KLF8: variants seen among roughly 807,000 people sequenced by gnomAD.
The protein encoded by KLF8 is Krueppel-like factor 8.
KLF8 carries 10 observed loss-of-function variants against 18.2 expected under a neutral mutation model. That is an observed-to-expected ratio of 0.55 (90% CI 0.34 to 0.93). KLF8 has a LOEUF of 0.93. KLF8 is among the 40% of genes least tolerant of loss of function. KLF8 has a pLI of 0.02. For synonymous variants in KLF8, 109 were observed against 97.3 expected (o/e 1.12, Z -0.71); for missense variants, 264 against 277.9 (o/e 0.95, Z 0.36).
At chrX:55,925,069 C>T in the KLF8 span, among the ~76,000 whole-genome samples, 3 of 103,072 alleles carry the variant, frequency 2.9e-5, no homozygotes, top group Non-Finnish European at 3.9e-5. Context: ...CCATGTTGGC[C>T]AGGCTGGTCT....
At chrX:56,161,387 C>T in the KLF8 span, among the ~76,000 whole-genome samples, 1 of 111,772 alleles carries the variant, frequency 8.9e-6, no homozygotes. Flanking sequence ...CCATTCTCCC[C>T]ATCACTTTCA....
the KLF8 span, among the ~76,000 whole-genome samples, chrX:56,146,534 G>T: frequency 9.0e-6 from 1 of 110,729 alleles, no homozygotes; most frequent in East Asian, 2.8e-4. Context: ...GACACAGGGA[G>T]GGGAACATCA....
chrX:56,061,283 C>T, the KLF8 span, among the ~76,000 whole-genome samples: 2 of 111,993 alleles, frequency 1.8e-5, no homozygotes, highest in Non-Finnish European at 3.8e-5. Context: ...ATCTTTCCTG[C>T]TTTCTCCTGT....
At chrX:55,989,806 G>C in the KLF8 span, among the ~76,000 whole-genome samples, 2 of 111,750 alleles carry the variant, frequency 1.8e-5, no homozygotes, top group Admixed American at 1.9e-4. Flanking sequence ...ACCTCTGGTA[G>C]AATTCGGCTG....
the KLF8 span, among the ~76,000 whole-genome samples, chrX:56,136,148 T>C: frequency 4.5e-4 from 50 of 111,548 alleles, no homozygotes; most frequent in South Asian, 2.6e-3. Flanking sequence ...GTAGGAAGAA[T>C]CAATATTGTG....
the KLF8 span, among the ~76,000 whole-genome samples, chrX:56,169,329 G>A: frequency 2.7e-5 from 3 of 111,260 alleles, no homozygotes; most frequent in South Asian, 3.8e-4. Context: ...AAAGTAAAGG[G>A]GACTTTGTTT....
the KLF8 span, among the ~76,000 whole-genome samples, chrX:56,124,571 T>TAG: frequency 9.0e-6 from 1 of 111,711 alleles, no homozygotes; most frequent in Non-Finnish European, 1.9e-5. Flanking sequence ...TTGTGGCCTA[T>TAG]AGAGAGAGAA....
chrX:55,941,937 A>C, the KLF8 span, among the ~76,000 whole-genome samples: 495 of 111,757 alleles, frequency 4.4e-3, 1 homozygote, highest in Non-Finnish European at 7.7e-3. Context: ...AACTAGTTCA[A>C]CCATTATGGA....
chrX:56,007,576 C>G, the KLF8 span, among the ~76,000 whole-genome samples: 2 of 111,123 alleles, frequency 1.8e-5, no homozygotes. Context: ...TCCTTCCATG[C>G]CTTAGAGGTT....
the KLF8 span, among the ~76,000 whole-genome samples, chrX:55,963,927 T>C: frequency 1.8e-4 from 20 of 112,007 alleles, no homozygotes; most frequent in African/African-American, 5.5e-4. Context: ...ATCTACACTT[T>C]TGGAGCATAA....
At chrX:56,113,170 C>A in the KLF8 span, among the ~76,000 whole-genome samples, 1 of 106,800 alleles carries the variant, frequency 9.4e-6, no homozygotes, top group African/African-American at 3.5e-5. Context: ...TGCACTCCAG[C>A]CTGGGCGACA....
the KLF8 span, among the ~76,000 whole-genome samples, chrX:56,034,790 C>G: frequency 1.3e-5 from 1 of 78,934 alleles, no homozygotes; most frequent in Non-Finnish European, 2.3e-5. Context: ...GAGTCTCGCT[C>G]TGTGGCCCAG....
the KLF8 span, among the ~76,000 whole-genome samples, chrX:55,945,592 T>C: frequency 1.4e-4 from 16 of 110,824 alleles, no homozygotes; most frequent in East Asian, 5.6e-4. Context: ...ACAGGGATGC[T>C]CTCTCTCACC....
At chrX:56,250,773 G>T (rs1476786565) in intron 2 of KLF8, among the ~76,000 whole-genome samples, 1 of 110,856 alleles carries the variant, frequency 9.0e-6, no homozygotes, top group African/African-American at 3.3e-5. Flanking sequence ...CAAGAAATTG[G>T]CTCATTAGAT....
chrX:56,221,316 C>G, the KLF8 span, among the ~76,000 whole-genome samples: 1 of 111,914 alleles, frequency 8.9e-6, no homozygotes, highest in African/African-American at 3.3e-5. Context: ...TATTCCAACA[C>G]AGAGTGGCCA....
the KLF8 span, among the ~76,000 whole-genome samples, chrX:56,088,743 G>C: frequency 9.0e-6 from 1 of 111,242 alleles, no homozygotes; most frequent in Admixed American, 9.6e-5. Context: ...TCATTGTACA[G>C]AGCCTTTCTC....
chrX:56,216,678 C>T, the KLF8 span, among the ~76,000 whole-genome samples: 1 of 110,602 alleles, frequency 9.0e-6, no homozygotes, highest in South Asian at 3.8e-4. Context: ...ATCAAGCCAA[C>T]AAAACTCTTT....
At chrX:56,259,700 AT>A (rs1602440436) in intron 2 of KLF8, among the ~76,000 whole-genome samples, 2 of 110,759 alleles carry the variant, frequency 1.8e-5, no homozygotes, top group African/African-American at 6.6e-5. Context: ...CCCCAGTAAT[AT>A]TTTTTGTCTC....
rs756774720 is a variant in KLF8 at position 56,233,011 on chromosome X, G to C, written c.-324G>C. 1.5e-4 allele frequency: 48 copies of C among 320,895 alleles called. No individual in the cohort carries two copies. Among genetic ancestry groups the C allele is most frequent in the Non-Finnish European group, 2.5e-4 (45 of 180,707 alleles). 26.4% of individuals were successfully genotyped at this position (320,895 alleles called of 1,213,427 possible). A position where few individuals can be genotyped will look rare whatever the true frequency, so the allele number is the denominator to read the frequency against. ...ATTTTTGTCCAAGGAAAAGCTGCAG[G>C]GGGGAGGATTCTTTTTAGGAAGTCT... On this transcript the variant is annotated 5_prime_UTR_variant, in exon 1 of 6. Coordinates refer to ENST00000468660, the MANE Select transcript of KLF8 (RefSeq NM_007250.5).
Sources: allele counts gnomAD v4.1 joint callset (sites outside exome capture counted in the v4.1 genomes callset), GRCh38; gene constraint gnomAD v4.1.1; transcripts MANE v1.5; gene names NCBI Gene and HGNC (gene_info 2026-07-23, HGNC 2026-07-21).